Variants in MYOZ3 observed in about 807,000 individuals in gnomAD.
MYOZ3 encodes myozenin 3.
In MYOZ3, 19 loss-of-function variants were observed where a neutral mutation model predicts 26.5. The observed-to-expected ratio is 0.72, with a 90% CI of 0.50 to 1.05. MYOZ3 has a LOEUF of 1.05. MYOZ3 is among the 50% of genes least tolerant of loss of function. The pLI is 0.00. For synonymous variants in MYOZ3, 135 were observed against 138.8 expected, an observed-to-expected ratio of 0.97 and a Z score of 0.19; for missense variants, 322 against 337.1, an observed-to-expected ratio of 0.96 and a Z score of 0.35.
At chr5:150,670,845 G>A (rs1758893970) in intron 3 of MYOZ3, 3 of 306,256 alleles carry the variant, frequency 9.8e-6, no homozygotes, top group African/African-American at 7.7e-5. Context: ...GGATTAGGGG[G>A]TTGAGGATAA....
At chr5:150,671,495 G>C (rs1045568632) in intron 3 of MYOZ3, 102 bp from the exon 4 acceptor site, 29 of 1,225,182 alleles carry the variant, frequency 2.4e-5, no homozygotes, top group Non-Finnish European at 2.0e-5. Flanking sequence ...ATGGGCGTTA[G>C]GATTCTTGCC....
intron 3 of MYOZ3, 114 bp downstream of exon 3, chr5:150,670,752 G>T: frequency 9.9e-7 from 1 of 1,013,122 alleles, no homozygotes; most frequent in South Asian, 1.8e-5. Flanking sequence ...CATCAGATTA[G>T]GCTCCTGCCT....
rs1758935837 is a variant in MYOZ3, at chr5:150,672,489, C to A, written c.574C>A (p.Arg192=). The part of the protein sequence containing the change: ...RSHTPSPNDY[R]NFNKTPVPFG... ...TCACACCCCCAGCCCCAACGACTAC[C>A]GAAATTTCAACAAGTAAGGCGGGGC... The change falls in exon 6 of 7, where the codon CGA becomes AGA. Residue 192 remains arginine, a synonymous_variant. Transcript: ENST00000517768. 2 of 1,570,150 alleles carry A rather than the reference C, an allele frequency of 1.3e-6. No individual in the cohort carries two copies. Among genetic ancestry groups the A allele is most frequent in the African/African-American group, 1.4e-5 (1 of 73,548 alleles).
At chr5:150,665,565 A>ATTCC (rs1758795324) in intron 2 of MYOZ3, among the ~76,000 whole-genome samples, 1 of 152,188 alleles carries the variant, frequency 6.6e-6, no homozygotes, top group Non-Finnish European at 1.5e-5. Flanking sequence ...ATTCCTAGAA[A>ATTCC]TAGAAATACT....
At chr5:150,670,712 G>A (rs1384628752) in intron 3 of MYOZ3, 74 bp downstream of exon 3, 7 of 1,436,896 alleles carry the variant, frequency 4.9e-6, no homozygotes, top group Non-Finnish European at 6.6e-6. Flanking sequence ...AAAGTCAAAC[G>A]GTAAGCCAGG....
rs1285062758 is a variant in MYOZ3, at chr5:150,671,706, G to C, written c.271-49G>C. On this transcript the variant is annotated intron_variant, in intron 4 of 6. Transcript: ENST00000517768. ...AAGCTGGGGGAAGGGGAGCGCGGCT[G>C]GGGGCGGGAGGTCGTCGGTGGCCTC... The C allele has an allele frequency of 3.7e-6, 6 of 1,613,358 alleles. No homozygotes were observed. The South Asian group carries it at 6.6e-5, about 18-fold the overall frequency.
chr5:150,672,292 G>A (rs1036198769), intron 5 of MYOZ3, 48 bp from the exon 6 acceptor site: 1 of 1,553,348 alleles, frequency 6.4e-7, no homozygotes, highest in African/African-American at 1.4e-5. Context: ...TGGGGTTGGG[G>A]GCTGAGGGTG....
chr5:150,662,882 G>A, intron 1 of MYOZ3, 59 bp from the exon 2 acceptor site: 5 of 1,465,598 alleles, frequency 3.4e-6, no homozygotes, highest in Non-Finnish European at 4.8e-6. Context: ...GAGACTGGAA[G>A]GAGGTCTGGG....
chr5:150,672,275 G>A (rs1391933414), intron 5 of MYOZ3, 65 bp from the exon 6 acceptor site: 2 of 1,547,908 alleles, frequency 1.3e-6, no homozygotes, highest in African/African-American at 1.4e-5. Context: ...ATGGGGGTGG[G>A]GCGAGGTGGG....
chr5:150,665,950 G>A (rs943111139), intron 2 of MYOZ3, among the ~76,000 whole-genome samples: 6 of 150,152 alleles, frequency 4.0e-5, no homozygotes, highest in Admixed American at 2.0e-4. Context: ...CAGGAGAATC[G>A]CTTGAACCCG....
At position 150,676,760 on chromosome 5, in the gene MYOZ3, G is replaced by GCAC. The variant is rs759610322; in HGVS notation, c.643_645dup (p.Thr215dup). Reference sequence around the variant, plus strand: ...GTGGGGGGCACTTTTCCCAGGCCAGGCACCCCCTTCATCCCGGAGCCCCTC... The same window carrying GCAC: ...GTGGGGGGCACTTTTCCCAGGCCAGGCACCACCCCCTTCATCCCGGAGCCCCTC... On this transcript the variant is annotated inframe_insertion, in exon 7 of 7. Transcript: ENST00000517768. 112 of 1,613,882 alleles carry GCAC rather than the reference G, an allele frequency of 6.9e-5. No homozygotes were observed. The highest frequency in any genetic ancestry group is 9.3e-5 in the Non-Finnish European group (110 of 1,180,004).
chr5:150,672,398 C>T lies in MYOZ3; in HGVS notation c.483C>T (p.Ser161=). The T allele has an allele frequency of 3.7e-6, 6 of 1,613,524 alleles. No homozygotes were observed. The highest frequency in any genetic ancestry group is 5.1e-6 in the Non-Finnish European group (6 of 1,179,778). The stretch of plus-strand genomic sequence containing the variant: ...AGAAGTTCAACCACACCGCCATCTC[C>T]AAGGGCTACCGCTGCCCTTGGCAGG... ...PPEKFNHTAI[S]KGYRCPWQEF... The change falls in exon 6 of 7, where the codon TCC becomes TCT. Residue 161 remains serine (S), a synonymous_variant. Coordinates refer to ENST00000517768, the MANE Select transcript of MYOZ3 (RefSeq NM_001122853.3).
intron 6 of MYOZ3, chr5:150,672,844 G>C: frequency 3.7e-6 from 1 of 267,820 alleles, no homozygotes; most frequent in Non-Finnish European, 7.0e-6. Flanking sequence ...CACCGGCAGG[G>C]CCGGGATTCA....
At chr5:150,663,135 C>G (rs1279657743) in intron 2 of MYOZ3, 133 bp downstream of exon 2, 11 of 701,934 alleles carry the variant, frequency 1.6e-5, no homozygotes, top group Non-Finnish European at 2.5e-5. Flanking sequence ...GAGGGAGTGC[C>G]TGTAGAATTT....
chr5:150,662,815 C>G, intron 1 of MYOZ3, 126 bp from the exon 2 acceptor site: 1 of 791,286 alleles, frequency 1.3e-6, no homozygotes, highest in Non-Finnish European at 2.1e-6. Context: ...TCAGACATCC[C>G]TTGCTTGTGA....
chr5:150,669,622 GC>G (rs1758868644), intron 2 of MYOZ3, among the ~76,000 whole-genome samples: 1 of 140,426 alleles, frequency 7.1e-6, no homozygotes, highest in South Asian at 2.2e-4. Flanking sequence ...TTTCCTCAGG[GC>G]CCATATATGC....
rs879388132 is a variant in MYOZ3 at position 150,663,831 on chromosome 5, C to CA, written c.61+841dup. Among the ~76,000 whole-genome samples, 144 of 135,840 alleles carry CA rather than the reference C, an allele frequency of 1.1e-3. No individual in the cohort carries two copies. The Middle Eastern group carries it at 0.014, about 14-fold the overall frequency. 89.1% of individuals were successfully genotyped at this position (135,840 alleles called of 152,430 possible). On this transcript the variant is annotated intron_variant, in intron 2 of 6. Transcript: ENST00000517768. Reference sequence around the variant, plus strand: ...GCAACATGGTGAGACTCCATCTCTACAAAAAAAAAAAATTAGCCAGGCATG... The same window carrying CA: ...GCAACATGGTGAGACTCCATCTCTACAAAAAAAAAAAAATTAGCCAGGCATG...
intron 6 of MYOZ3, among the ~76,000 whole-genome samples, chr5:150,674,680 A>T (rs1179770346): frequency 6.6e-6 from 1 of 152,206 alleles, no homozygotes; most frequent in Non-Finnish European, 1.5e-5. Context: ...TGCTGGAAAA[A>T]CAACACAAGC....
chr5:150,668,462 A>G (rs1758841721), intron 2 of MYOZ3, among the ~76,000 whole-genome samples: 1 of 152,200 alleles, frequency 6.6e-6, no homozygotes, highest in Non-Finnish European at 1.5e-5. Flanking sequence ...GCTCCTGCCC[A>G]GGCTCCTGGC....
Sources: gnomAD v4.1 joint callset for allele counts (sites outside exome capture counted in the v4.1 genomes callset) on GRCh38, gnomAD v4.1.1 for gene constraint, MANE v1.5 for transcripts, NCBI Gene and HGNC (gene_info 2026-07-23, HGNC 2026-07-21) for gene names.